DENND5A: variants seen among roughly 807,000 people sequenced by gnomAD.
The protein encoded by DENND5A is DENN domain-containing protein 5A.
Under a neutral mutation model 140.3 loss-of-function variants are expected in DENND5A, and 64 were observed. The ratio of observed to expected loss-of-function variants is 0.46; its 90% CI spans 0.37 to 0.56. The LOEUF (loss-of-function observed/expected upper bound fraction) is 0.56, where lower values mean the gene tolerates loss of function less well. DENND5A is among the 20% of genes least tolerant of loss of function. The pLI, the probability that DENND5A is intolerant of heterozygous loss-of-function variation, is 0.00. For synonymous variants in DENND5A, 605 were observed against 607.7 expected (o/e 1.00, Z 0.07); for missense variants, 1,292 against 1,593.8 (o/e 0.81, Z 3.22).
At chr11:9,211,010 T>C (rs1849858985) in intron 1 of DENND5A, among the ~76,000 whole-genome samples, 1 of 152,162 alleles carries the variant, frequency 6.6e-6, no homozygotes. Flanking sequence ...TATGAGCTTG[T>C]CTGGAGAATT....
At chr11:9,215,466 C>T (rs1850051186) in intron 1 of DENND5A, among the ~76,000 whole-genome samples, 1 of 152,034 alleles carries the variant, frequency 6.6e-6, no homozygotes, top group Non-Finnish European at 1.5e-5. Context: ...CTGGAACTCA[C>T]ATTATTTCCT....
chr11:9,194,725 CTT>C (rs113562495), intron 4 of DENND5A, among the ~76,000 whole-genome samples: 3 of 144,884 alleles, frequency 2.1e-5, no homozygotes, highest in Non-Finnish European at 3.0e-5. Flanking sequence ...ATTTCTAGGC[CTT>C]TTTTTTTTTT....
intron 1 of DENND5A, among the ~76,000 whole-genome samples, chr11:9,260,027 CAAAAAAAAAAAAA>C (rs56390201): frequency 1.6e-5 from 1 of 63,932 alleles, no homozygotes; most frequent in Non-Finnish European, 3.0e-5. Context: ...GACTCCATCT[CAAAAAAAAAAAAA>C]AAAAAAAAAA....
intron 12 of DENND5A, among the ~76,000 whole-genome samples, chr11:9,157,376 T>C (rs1847842446): frequency 6.6e-6 from 1 of 152,198 alleles, no homozygotes; most frequent in Non-Finnish European, 1.5e-5. Flanking sequence ...GCAAGTTTGT[T>C]ATATAGGTAA....
intron 15 of DENND5A, 54 bp downstream of exon 15, chr11:9,150,027 T>C (rs910521016): frequency 6.4e-7 from 1 of 1,560,580 alleles, no homozygotes; most frequent in Non-Finnish European, 8.6e-7. Context: ...AAGTTTCCAA[T>C]CTCTTCCCTC....
intron 11 of DENND5A, among the ~76,000 whole-genome samples, chr11:9,165,009 T>G (rs905295622): frequency 2.0e-5 from 3 of 152,202 alleles, no homozygotes; most frequent in African/African-American, 7.2e-5. Context: ...TTGTTCTTTT[T>G]TTTGTTTTGA....
intron 1 of DENND5A, among the ~76,000 whole-genome samples, chr11:9,213,377 T>TA (rs1275905675): frequency 1.3e-5 from 2 of 151,880 alleles, no homozygotes; most frequent in East Asian, 3.9e-4. Flanking sequence ...TATTATTTCT[T>TA]ACAATTGCAA....
At chr11:9,169,718 G>C in intron 10 of DENND5A, 138 bp downstream of exon 10, 3 of 599,176 alleles carry the variant, frequency 5.0e-6, no homozygotes, top group Non-Finnish European at 9.1e-6. Flanking sequence ...TCAGGAACTA[G>C]ACCTATTATT....
chr11:9,253,107 C>A (rs1162129672), intron 1 of DENND5A, among the ~76,000 whole-genome samples: 1 of 152,116 alleles, frequency 6.6e-6, no homozygotes, highest in Admixed American at 6.6e-5. Flanking sequence ...CCCCACTCGG[C>A]CCCTCAAAGT....
Position 9,169,879 on chromosome 11 carries a change from G to T in DENND5A, c.2128C>A (p.Arg710Ser), listed in dbSNP as rs1050152874. 3 of 1,612,406 alleles carry T rather than the reference G, an allele frequency of 1.9e-6. No individual in the cohort carries two copies. In the East Asian group the frequency reaches 6.7e-5, roughly 36 times the overall value. The change falls in exon 10 of 23, where the codon CGT becomes AGT. Residue 710 changes from arginine to serine, a missense_variant. Coordinates refer to ENST00000328194, the MANE Select transcript of DENND5A (RefSeq NM_015213.4). Reference protein sequence around the residue: ...DRQKQHTEHLRLDNDQREKYI... With the variant: ...DRQKQHTEHLSLDNDQREKYI... ...ACCTCCCTCTGGTCATTATCTAAACGCAGGTGTTCTGTGTGCTGCTTCTGC... is the reference window on the plus strand; with the variant it reads ...ACCTCCCTCTGGTCATTATCTAAACTCAGGTGTTCTGTGTGCTGCTTCTGC...
intron 5 of DENND5A, among the ~76,000 whole-genome samples, chr11:9,186,851 C>T (rs1252695652): frequency 6.6e-6 from 1 of 152,136 alleles, no homozygotes; most frequent in East Asian, 1.9e-4. Flanking sequence ...GAGGCTGAGG[C>T]GGGCAGATCA....
At chr11:9,229,850 AAC>A (rs1182669051) in intron 1 of DENND5A, among the ~76,000 whole-genome samples, 1 of 151,672 alleles carries the variant, frequency 6.6e-6, no homozygotes, top group East Asian at 1.9e-4. Flanking sequence ...TAAGCATAAA[AAC>A]AGTTTTCCCT....
intron 1 of DENND5A, among the ~76,000 whole-genome samples, chr11:9,223,703 A>C (rs1186744718): frequency 1.3e-5 from 2 of 152,194 alleles, no homozygotes; most frequent in African/African-American, 4.8e-5. Flanking sequence ...TGGGCAACAG[A>C]GCAAGCAAGA....
intron 1 of DENND5A, among the ~76,000 whole-genome samples, chr11:9,210,542 TTTG>T (rs3074631): frequency 1.3e-5 from 2 of 152,046 alleles, no homozygotes; most frequent in South Asian, 2.1e-4. Flanking sequence ...TAAATCGACA[TTTG>T]TTGTTGTTGT....
intron 11 of DENND5A, among the ~76,000 whole-genome samples, chr11:9,161,214 G>T (rs1489987067): frequency 6.6e-6 from 1 of 152,168 alleles, no homozygotes; most frequent in African/African-American, 2.4e-5. Flanking sequence ...CAGGTGTGGT[G>T]GCGGGCGCCT....
chr11:9,258,177 T>C (rs1426453623), intron 1 of DENND5A, among the ~76,000 whole-genome samples: 2 of 152,094 alleles, frequency 1.3e-5, no homozygotes, highest in Admixed American at 6.6e-5. Flanking sequence ...ACATACAGTT[T>C]TGTTACATAG....
At chr11:9,140,077 C>A in intron 22 of DENND5A, 3 of 1,223,664 alleles carry the variant, frequency 2.5e-6, no homozygotes, top group Non-Finnish European at 3.4e-6. Flanking sequence ...AGCCTCCAAG[C>A]CTCCTCCTCC....
At chr11:9,252,168 C>T (rs992925381) in intron 1 of DENND5A, among the ~76,000 whole-genome samples, 17 of 140,148 alleles carry the variant, frequency 1.2e-4, no homozygotes, top group Non-Finnish European at 2.5e-4. Flanking sequence ...CATGGTAGCA[C>T]GCGCCTGTAG....
intron 16 of DENND5A, 23 bp from the exon 17 acceptor site, chr11:9,145,838 G>A: frequency 5.0e-6 from 8 of 1,613,814 alleles, no homozygotes; most frequent in Middle Eastern, 3.3e-4. Context: ...AGCCACAAAA[G>A]TATTGAGGAG....
Sources: allele counts gnomAD v4.1 joint callset (sites outside exome capture counted in the v4.1 genomes callset), GRCh38; gene constraint gnomAD v4.1.1; transcripts MANE v1.5; gene names NCBI Gene and HGNC (gene_info 2026-07-23, HGNC 2026-07-21).